CCSER1: variants seen among roughly 807,000 people sequenced by gnomAD.
CCSER1 encodes coiled-coil serine rich protein 1.
Under a neutral mutation model 82.0 loss-of-function variants are expected in CCSER1, and 41 were observed. The ratio of observed to expected loss-of-function variants is 0.50; its 90% CI spans 0.39 to 0.65. The LOEUF (loss-of-function observed/expected upper bound fraction) is 0.65, where lower values mean the gene tolerates loss of function less well. CCSER1 is among the 30% of genes least tolerant of loss of function. The pLI, the probability that CCSER1 is intolerant of heterozygous loss-of-function variation, is 0.00. For synonymous variants in CCSER1, 414 were observed against 383.9 expected (o/e 1.08, Z -0.92); for missense variants, 1,119 against 1,064.2 (o/e 1.05, Z -0.72).
intron 10 of CCSER1, among the ~76,000 whole-genome samples, chr4:91,179,608 T>G (rs1314404184): frequency 1.3e-5 from 2 of 152,266 alleles, no homozygotes; most frequent in Non-Finnish European, 2.9e-5. Context: ...TACTGAAGCT[T>G]GTGCATGCAT....
chr4:90,426,634 C>A (rs185775439), intron 4 of CCSER1, among the ~76,000 whole-genome samples: 1 of 152,134 alleles, frequency 6.6e-6, no homozygotes, highest in African/African-American at 2.4e-5. Context: ...TTTCATAATT[C>A]TTTGTCTGTT....
chr4:91,261,809 A>T (rs1429148982), intron 10 of CCSER1, among the ~76,000 whole-genome samples: 1 of 152,216 alleles, frequency 6.6e-6, no homozygotes, highest in African/African-American at 2.4e-5. Context: ...GTTGATTTTT[A>T]AAATTATTAA....
At chr4:91,433,829 G>A (rs1224811017) in intron 10 of CCSER1, among the ~76,000 whole-genome samples, 1 of 152,200 alleles carries the variant, frequency 6.6e-6, no homozygotes, top group East Asian at 1.9e-4. Context: ...TGTCCCAAGA[G>A]TCTAGCTCAG....
chr4:90,690,500 T>A (rs1343995489), intron 6 of CCSER1, among the ~76,000 whole-genome samples: 2 of 152,132 alleles, frequency 1.3e-5, no homozygotes, highest in African/African-American at 4.8e-5. Flanking sequence ...TATTGTCCTG[T>A]AAAACCTATT....
chr4:91,476,036 T>C (rs1229290465), intron 10 of CCSER1, among the ~76,000 whole-genome samples: 1 of 151,848 alleles, frequency 6.6e-6, no homozygotes, highest in Non-Finnish European at 1.5e-5. Flanking sequence ...TAAGTACTCA[T>C]ACATCGATGG....
At chr4:91,084,694 A>G (rs1723178126) in intron 9 of CCSER1, among the ~76,000 whole-genome samples, 1 of 152,144 alleles carries the variant, frequency 6.6e-6, no homozygotes, top group Admixed American at 6.6e-5. Flanking sequence ...ATAAATTTAG[A>G]TAATTTTCTA....
At chr4:91,169,386 C>G (rs13435880) in intron 10 of CCSER1, among the ~76,000 whole-genome samples, 16,992 of 151,878 alleles carry the variant, frequency 0.11, 1,092 homozygotes, top group East Asian at 0.24. Flanking sequence ...TTTGGGAGGC[C>G]GAGGCGGGTG....
intron 6 of CCSER1, among the ~76,000 whole-genome samples, chr4:90,658,803 G>C (rs1238177702): frequency 6.6e-6 from 1 of 152,140 alleles, no homozygotes; most frequent in Admixed American, 6.5e-5. Flanking sequence ...TCTTTATGAA[G>C]AATGTAATTT....
chr4:91,497,807 A>T (rs1279569088), intron 10 of CCSER1, among the ~76,000 whole-genome samples: 1 of 151,966 alleles, frequency 6.6e-6, no homozygotes, highest in East Asian at 1.9e-4. Context: ...CAGTAAGACT[A>T]AATGAACTGA....
At chr4:90,949,843 C>T (rs1732698299) in intron 9 of CCSER1, among the ~76,000 whole-genome samples, 1 of 151,716 alleles carries the variant, frequency 6.6e-6, no homozygotes. Context: ...CATTTAATAC[C>T]CATGATGACT....
intron 10 of CCSER1, among the ~76,000 whole-genome samples, chr4:91,318,533 T>C (rs1335050683): frequency 6.6e-6 from 1 of 151,916 alleles, no homozygotes; most frequent in Non-Finnish European, 1.5e-5. Context: ...GACTCAATTG[T>C]CTCCATGAGC....
At chr4:90,401,773 C>T (rs1339904074) in intron 4 of CCSER1, among the ~76,000 whole-genome samples, 4 of 152,204 alleles carry the variant, frequency 2.6e-5, no homozygotes, top group Non-Finnish European at 5.9e-5. Context: ...AAAAGATCCA[C>T]TTGCCTCCGT....
At chr4:90,738,615 C>T (rs1292852560) in intron 7 of CCSER1, among the ~76,000 whole-genome samples, 2 of 152,110 alleles carry the variant, frequency 1.3e-5, no homozygotes, top group African/African-American at 2.4e-5. Flanking sequence ...CCTCCCAAGG[C>T]CCACTATGAC....
At chr4:91,393,025 A>G (rs190548411) in intron 10 of CCSER1, among the ~76,000 whole-genome samples, 389 of 152,218 alleles carry the variant, frequency 2.6e-3, no homozygotes, top group Non-Finnish European at 4.6e-3. Context: ...GTTTGGAATC[A>G]CACCTTGCAA....
At chr4:90,338,613 T>G (rs1740838105) in intron 3 of CCSER1, among the ~76,000 whole-genome samples, 1 of 152,204 alleles carries the variant, frequency 6.6e-6, no homozygotes, top group Non-Finnish European at 1.5e-5. Flanking sequence ...TTAATTAATG[T>G]TTATTGAGCT....
intron 10 of CCSER1, among the ~76,000 whole-genome samples, chr4:91,162,609 C>T (rs925942055): frequency 6.6e-6 from 1 of 152,078 alleles, no homozygotes. Context: ...AATTTCAGAG[C>T]CTGTTACTGG....
chr4:90,186,218 A>T (rs931858637), intron 1 of CCSER1, among the ~76,000 whole-genome samples: 1 of 151,968 alleles, frequency 6.6e-6, no homozygotes, highest in Non-Finnish European at 1.5e-5. Context: ...GGCACATTAC[A>T]TATTTTTATG....
rs190273071 is a variant in CCSER1 at position 90,690,890 on chromosome 4, A to G, written c.1933-33024A>G. On this transcript the variant is annotated intron_variant, in intron 6 of 10. Transcript: ENST00000509176. ...TGTATGCTTTTATCTGGGCCTTTCT[A>G]TGTTCTATTTCAAGACATCTGACTC... is the stretch of plus-strand genomic sequence containing the variant. 6.8e-3 allele frequency among the ~76,000 whole-genome samples: 1,033 copies of G among 152,156 alleles called. 7 individuals carry two copies. The highest frequency in any genetic ancestry group is 0.014 in the Admixed American group (220 of 15,220).
At chr4:90,135,214 C>T (rs1276003283) in intron 1 of CCSER1, among the ~76,000 whole-genome samples, 1 of 152,158 alleles carries the variant, frequency 6.6e-6, no homozygotes, top group Non-Finnish European at 1.5e-5. Context: ...TCTAACATTA[C>T]AACGTATTTC....
Sources: gnomAD v4.1 joint callset for allele counts (sites outside exome capture counted in the v4.1 genomes callset) on GRCh38, gnomAD v4.1.1 for gene constraint, MANE v1.5 for transcripts, NCBI Gene and HGNC (gene_info 2026-07-23, HGNC 2026-07-21) for gene names.